The following ETV6 variants were observed in gnomAD, a reference collection of about 807,000 sequenced individuals.
ETV6 encodes transcription factor ETV6.
A neutral mutation model predicts 51.1 loss-of-function variants in ETV6; 16 were observed. The observed-to-expected ratio is 0.31, with a 90% CI of 0.21 to 0.48. The LOEUF is 0.48. Among genes scored for constraint, ETV6 ranks in the 20% least tolerant of loss-of-function variants. ETV6 has a pLI of 0.99. For synonymous variants in ETV6, 240 were observed against 224.1 expected, an observed-to-expected ratio of 1.07 and a Z score of -0.64; for missense variants, 458 against 594.8, an observed-to-expected ratio of 0.77 and a Z score of 2.39.
At chr12:11,685,694 T>C (rs1864616551) in intron 1 of ETV6, among the ~76,000 whole-genome samples, 1 of 152,114 alleles carries the variant, frequency 6.6e-6, no homozygotes, top group Admixed American at 6.5e-5. Flanking sequence ...TCGATCAAGT[T>C]TGATGTAAAT....
Position 11,869,553 on chromosome 12 carries a change from A to T in ETV6, c.593A>T (p.Gln198Leu). Residue 198 changes from glutamine to leucine, a missense_variant, in exon 5 of 8, where the codon CAG becomes CTG. Transcript: ENST00000396373. The surrounding 1 kb of genome is among the most constrained non-coding windows in gnomAD (Gnocchi z 5.0). The part of the protein sequence containing the change: ...TNHRPSPDPE[Q>L]RPLRSPLDNM... ...CACCGGCCTTCTCCTGACCCCGAGC[A>T]GCGGCCCCTCCGGTCCCCCCTGGAC... 1.9e-6 allele frequency: 3 copies of T among 1,614,110 alleles called. No homozygotes were observed. Among genetic ancestry groups the T allele is most frequent in the Non-Finnish European group, 2.5e-6 (3 of 1,180,012 alleles).
chr12:11,830,716 G>A (rs1946230714), intron 2 of ETV6, among the ~76,000 whole-genome samples: 3 of 152,298 alleles, frequency 2.0e-5, no homozygotes, highest in Middle Eastern at 3.4e-3. Context: ...GCCAGGCACC[G>A]TGTGCAAATC....
chr12:11,849,914 G>A (rs961412555), intron 3 of ETV6, among the ~76,000 whole-genome samples: 11 of 152,154 alleles, frequency 7.2e-5, no homozygotes, highest in African/African-American at 2.4e-4. Flanking sequence ...AGTGGTCCCC[G>A]TCCGCATGGT....
chr12:11,829,309 G>A (rs1235433555), intron 2 of ETV6, among the ~76,000 whole-genome samples: 1 of 152,206 alleles, frequency 6.6e-6, no homozygotes, highest in African/African-American at 2.4e-5. Flanking sequence ...ACCAGGCACT[G>A]TGCAACATCT....
intron 3 of ETV6, among the ~76,000 whole-genome samples, 163 bp from the exon 4 acceptor site, chr12:11,853,264 A>G (rs1237393776): frequency 6.6e-6 from 1 of 152,252 alleles, no homozygotes; most frequent in Admixed American, 6.5e-5. Context: ...TTGAGTTTCA[A>G]GTGCTGCATT....
intron 1 of ETV6, among the ~76,000 whole-genome samples, chr12:11,717,031 G>A (rs1865292026): frequency 6.6e-6 from 1 of 152,220 alleles, no homozygotes; most frequent in Non-Finnish European, 1.5e-5. Context: ...TCAGCAGGCA[G>A]GCGATGCTGA....
chr12:11,720,945 A>G (rs1865372904), intron 1 of ETV6, among the ~76,000 whole-genome samples: 1 of 152,210 alleles, frequency 6.6e-6, no homozygotes, highest in Non-Finnish European at 1.5e-5. Context: ...AAGACATACA[A>G]GCAGCCAACA....
chr12:11,673,862 T>C (rs116270980), intron 1 of ETV6, among the ~76,000 whole-genome samples: 1,988 of 152,296 alleles, frequency 0.013, 29 homozygotes, highest in Middle Eastern at 0.048. Flanking sequence ...TAGACTGAGA[T>C]TTGGCAGTGA....
At chr12:11,859,197 A>G (rs1310543342) in intron 4 of ETV6, among the ~76,000 whole-genome samples, 1 of 116,222 alleles carries the variant, frequency 8.6e-6, no homozygotes, top group Non-Finnish European at 1.6e-5. Flanking sequence ...GCTGGAGTGC[A>G]GTGGTGCGAT....
chr12:11,846,800 C>G (rs1946472864), intron 3 of ETV6, among the ~76,000 whole-genome samples: 1 of 152,304 alleles, frequency 6.6e-6, no homozygotes, highest in East Asian at 1.9e-4. Flanking sequence ...CTCTGCAGGT[C>G]ATGTTCAGGA....
chr12:11,650,311 T>C, intron 1 of ETV6, 151 bp downstream of exon 1: 1 of 732,856 alleles, frequency 1.4e-6, no homozygotes, highest in Non-Finnish European at 2.4e-6. Context: ...CAGCTCGCGG[T>C]GGCTGCTGTA....
At chr12:11,890,806 C>T in intron 7 of ETV6, 135 bp from the exon 8 acceptor site, 1 of 736,506 alleles carries the variant, frequency 1.4e-6, no homozygotes, top group Non-Finnish European at 2.4e-6. Flanking sequence ...ACTAAGTTAA[C>T]ATTAATCTCG....
intron 4 of ETV6, among the ~76,000 whole-genome samples, chr12:11,867,661 C>G (rs1946809624): frequency 6.6e-6 from 1 of 152,196 alleles, no homozygotes; most frequent in African/African-American, 2.4e-5. Flanking sequence ...CTGACCCTAT[C>G]AAATTACGGA....
rs1170759902 is a variant in ETV6, at chr12:11,869,301, T to C, written c.464-123T>C. ...AAGCAGTGAAAAAGACACTGCATTC[T>C]GGGGAGAAAGGTCCTTTACACATAC... On this transcript the variant is annotated intron_variant, in intron 4 of 7. Transcript: ENST00000396373. The surrounding 1 kb of genome is among the most constrained non-coding windows in gnomAD (Gnocchi z 5.0). 10 of 819,284 alleles carry C rather than the reference T, an allele frequency of 1.2e-5. No homozygotes were observed. The East Asian group carries it at 2.5e-4, about 20-fold the overall frequency. 50.8% of individuals were successfully genotyped at this position (819,284 alleles called of 1,614,324 possible). A position where few individuals can be genotyped will look rare whatever the true frequency, so the allele number is the denominator to read the frequency against.
At chr12:11,676,965 C>T (rs554325922) in intron 1 of ETV6, among the ~76,000 whole-genome samples, 15 of 152,314 alleles carry the variant, frequency 9.8e-5, no homozygotes, top group Middle Eastern at 3.4e-3. Flanking sequence ...TGTCAGACAT[C>T]GCCTGTTGTT....
At chr12:11,881,425 T>C (rs1309286820) in intron 5 of ETV6, among the ~76,000 whole-genome samples, 1 of 152,222 alleles carries the variant, frequency 6.6e-6, no homozygotes, top group African/African-American at 2.4e-5. Flanking sequence ...TGCCGTAGAC[T>C]GGGTAGTTGG....
chr12:11,751,685 G>A (rs1273633981), intron 1 of ETV6, among the ~76,000 whole-genome samples: 1 of 152,138 alleles, frequency 6.6e-6, no homozygotes, highest in Non-Finnish European at 1.5e-5. Flanking sequence ...CCCACCCTTT[G>A]ATACTTGATA....
intron 2 of ETV6, among the ~76,000 whole-genome samples, chr12:11,753,055 G>A (rs1866068894): frequency 6.6e-6 from 1 of 151,960 alleles, no homozygotes; most frequent in Non-Finnish European, 1.5e-5. Flanking sequence ...TGTCTGTGCT[G>A]GCTACTTTTC....
intron 2 of ETV6, among the ~76,000 whole-genome samples, chr12:11,785,083 A>G (rs1945466816): frequency 6.6e-6 from 1 of 151,982 alleles, no homozygotes; most frequent in Non-Finnish European, 1.5e-5. Context: ...AATTTTAAGG[A>G]ATCATTCTAG....
Sources: allele counts gnomAD v4.1 joint callset (sites outside exome capture counted in the v4.1 genomes callset), GRCh38; gene constraint gnomAD v4.1.1; non-coding constraint Gnocchi (gnomAD v3.1); transcripts MANE v1.5; gene names NCBI Gene and HGNC (gene_info 2026-07-23, HGNC 2026-07-21).